SUGCT: variants seen among roughly 807,000 people sequenced by gnomAD.
The protein encoded by SUGCT is succinyl-CoA:glutarate-CoA transferase, also known as succinyl-CoA:glutarate CoA-transferase.
In SUGCT, 41 loss-of-function variants were observed where a neutral mutation model predicts 55.0. The observed-to-expected ratio is 0.74, with a 90% CI of 0.58 to 0.97. SUGCT has a LOEUF of 0.97. Among genes scored for constraint, SUGCT ranks in the 50% least tolerant of loss-of-function variants. The probability of loss-of-function intolerance (pLI) is 0.00; values close to 1 mark genes in which losing one functional copy is unlikely to be tolerated. For synonymous variants in SUGCT, 187 were observed against 200.4 expected, an observed-to-expected ratio of 0.93 and a Z score of 0.56; for missense variants, 568 against 547.8, an observed-to-expected ratio of 1.04 and a Z score of -0.37.
At chr7:40,139,566 G>T (rs887546027) in intron 1 of SUGCT, among the ~76,000 whole-genome samples, 2 of 152,142 alleles carry the variant, frequency 1.3e-5, no homozygotes, top group Non-Finnish European at 2.9e-5. Context: ...TAGCCCATTT[G>T]TTAATGGGAT....
At chr7:40,953,438 T>G in the SUGCT span, among the ~76,000 whole-genome samples, 6 of 152,230 alleles carry the variant, frequency 3.9e-5, no homozygotes, top group Admixed American at 3.3e-4. Flanking sequence ...GTCTGAAGCC[T>G]TCTTCTTTCA....
chr7:40,898,074 C>T, the SUGCT span, among the ~76,000 whole-genome samples: 11 of 152,158 alleles, frequency 7.2e-5, no homozygotes, highest in Admixed American at 6.5e-5. Context: ...TGGGTCCACG[C>T]TGTCTTTATG....
At chr7:40,402,295 A>C (rs1484943081) in intron 9 of SUGCT, among the ~76,000 whole-genome samples, 1 of 152,122 alleles carries the variant, frequency 6.6e-6, no homozygotes, top group Non-Finnish European at 1.5e-5. Flanking sequence ...ATGATTTGAT[A>C]GAATCTATTT....
chr7:40,499,079 G>A (rs1337812996), intron 12 of SUGCT: 3 of 456,654 alleles, frequency 6.6e-6, no homozygotes, highest in Admixed American at 2.3e-5. Context: ...GCATGGAAAC[G>A]GCCACTTCTG....
chr7:40,855,169 CT>C (rs1794107458), intron 13 of SUGCT, among the ~76,000 whole-genome samples: 1 of 151,036 alleles, frequency 6.6e-6, no homozygotes, highest in Admixed American at 6.6e-5. Flanking sequence ...AGATGTAAAT[CT>C]TTTTTCCATC....
chr7:40,245,423 A>ATATTTTTTTTTT (rs1344678220), intron 7 of SUGCT, among the ~76,000 whole-genome samples: 1 of 54,604 alleles, frequency 1.8e-5, no homozygotes, highest in Non-Finnish European at 3.3e-5. Flanking sequence ...ATATATATAT[A>ATATTTTTTTTTT]TTTTTTTTTT....
the SUGCT span, among the ~76,000 whole-genome samples, chr7:41,028,795 G>A: frequency 1.2e-4 from 18 of 152,248 alleles, 1 homozygote; most frequent in South Asian, 3.5e-3. Flanking sequence ...GACAGACAAC[G>A]CCAGTATGCT....
chr7:40,290,964 T>TC (rs1243410588), intron 8 of SUGCT, among the ~76,000 whole-genome samples: 2 of 152,098 alleles, frequency 1.3e-5, no homozygotes, highest in African/African-American at 4.8e-5. Flanking sequence ...AGATACCACC[T>TC]CCCACCAGTT....
At chr7:40,165,843 T>TGGTG (rs1173434628) in intron 1 of SUGCT, among the ~76,000 whole-genome samples, 1 of 152,094 alleles carries the variant, frequency 6.6e-6, no homozygotes, top group East Asian at 1.9e-4. Flanking sequence ...AGGCCAGGTG[T>TGGTG]GGTGGGTGGC....
At chr7:40,675,300 C>T (rs143740678) in intron 12 of SUGCT, among the ~76,000 whole-genome samples, 1,862 of 152,320 alleles carry the variant, frequency 0.012, 30 homozygotes, top group African/African-American at 0.041. Flanking sequence ...CTCAGGTGAT[C>T]TGCCCGCCTC....
chr7:40,855,850 A>T (rs774143683), intron 13 of SUGCT, among the ~76,000 whole-genome samples: 4 of 152,210 alleles, frequency 2.6e-5, no homozygotes, highest in African/African-American at 7.2e-5. Context: ...CATATTAAAA[A>T]TTTTTAACTT....
chr7:40,797,629 T>C (rs1790611640), intron 13 of SUGCT, among the ~76,000 whole-genome samples: 1 of 152,222 alleles, frequency 6.6e-6, no homozygotes, highest in Non-Finnish European at 1.5e-5. Flanking sequence ...CAATGGGCTT[T>C]CTCATGTCCA....
At chr7:40,299,143 G>A (rs1212970753) in intron 8 of SUGCT, among the ~76,000 whole-genome samples, 1 of 152,102 alleles carries the variant, frequency 6.6e-6, no homozygotes, top group African/African-American at 2.4e-5. Context: ...AGTGTGTTTT[G>A]AATGTGTGTT....
At chr7:40,216,383 C>G (rs1296609452) in intron 6 of SUGCT, among the ~76,000 whole-genome samples, 1 of 150,476 alleles carries the variant, frequency 6.6e-6, no homozygotes. Flanking sequence ...GCCTGTAATC[C>G]TAGCTACTTG....
intron 13 of SUGCT, among the ~76,000 whole-genome samples, chr7:40,838,373 T>C (rs925993866): frequency 2.0e-5 from 3 of 152,346 alleles, no homozygotes; most frequent in Admixed American, 1.3e-4. Flanking sequence ...CTTTAATATG[T>C]TGTATTTTCA....
the SUGCT span, among the ~76,000 whole-genome samples, chr7:40,879,754 C>G: frequency 1.3e-5 from 2 of 152,188 alleles, no homozygotes; most frequent in Non-Finnish European, 2.9e-5. Context: ...TTCTGGACCA[C>G]AGTGCACACT....
intron 12 of SUGCT, among the ~76,000 whole-genome samples, chr7:40,681,892 A>T (rs1292826334): frequency 6.6e-6 from 1 of 152,128 alleles, no homozygotes; most frequent in African/African-American, 2.4e-5. Context: ...AATAGAGAAC[A>T]GTGGTCAGAG....
At chr7:40,161,624 A>C (rs1784152140) in intron 1 of SUGCT, among the ~76,000 whole-genome samples, 1 of 152,192 alleles carries the variant, frequency 6.6e-6, no homozygotes, top group Non-Finnish European at 1.5e-5. Flanking sequence ...TCACGTCACC[A>C]ATGTTGAGAA....
At chr7:40,588,149 G>A (rs1469791492) in intron 12 of SUGCT, among the ~76,000 whole-genome samples, 3 of 151,700 alleles carry the variant, frequency 2.0e-5, no homozygotes, top group Admixed American at 6.6e-5. Flanking sequence ...TGATCTGCCC[G>A]CCTCGGCCTC....
Sources: gnomAD v4.1 joint callset for allele counts (sites outside exome capture counted in the v4.1 genomes callset) on GRCh38, gnomAD v4.1.1 for gene constraint, MANE v1.5 for transcripts, NCBI Gene and HGNC (gene_info 2026-07-23, HGNC 2026-07-21) for gene names.